CSMD3: variants seen among roughly 807,000 people sequenced by gnomAD.
CSMD3 encodes CUB and Sushi multiple domains 3.
In CSMD3, 177 loss-of-function variants were observed where a neutral mutation model predicts 435.2. That is an observed-to-expected ratio of 0.41 (90% CI 0.36 to 0.46). The LOEUF (loss-of-function observed/expected upper bound fraction) is 0.46, where lower values mean the gene tolerates loss of function less well. CSMD3 is among the 20% of genes least tolerant of loss of function. The pLI is 0.34. For synonymous variants in CSMD3, 1,656 were observed against 1,520.5 expected (o/e 1.09, Z -2.07); for missense variants, 4,265 against 4,504.6 (o/e 0.95, Z 1.52).
chr8:113,375,419 T>C (rs1296944534), intron 1 of CSMD3, among the ~76,000 whole-genome samples: 2 of 152,046 alleles, frequency 1.3e-5, no homozygotes, highest in East Asian at 3.8e-4. Context: ...AATTTAGAAG[T>C]TATTTCTCCC....
At chr8:112,351,370 T>C in intron 39 of CSMD3, 126 bp from the exon 40 acceptor site, 1 of 640,568 alleles carries the variant, frequency 1.6e-6, no homozygotes, top group South Asian at 1.9e-5. Context: ...ACATATTTAC[T>C]TATATGAAAA....
intron 38 of CSMD3, among the ~76,000 whole-genome samples, chr8:112,358,353 G>A (rs370548677): frequency 2.6e-5 from 4 of 152,270 alleles, no homozygotes; most frequent in African/African-American, 7.2e-5. Context: ...CTGAGTTAAT[G>A]CTGAAATTAG....
At chr8:113,141,533 T>A (rs925125751) in intron 4 of CSMD3, among the ~76,000 whole-genome samples, 1 of 150,992 alleles carries the variant, frequency 6.6e-6, no homozygotes, top group African/African-American at 2.4e-5. Flanking sequence ...AATATTTGAA[T>A]GTCAATCATT....
At chr8:112,615,851 T>A (rs902544063) in intron 22 of CSMD3, among the ~76,000 whole-genome samples, 2 of 152,102 alleles carry the variant, frequency 1.3e-5, no homozygotes, top group African/African-American at 4.8e-5. Context: ...AAGGAAATAT[T>A]GATGTAAAAT....
intron 12 of CSMD3, among the ~76,000 whole-genome samples, chr8:112,826,706 G>A (rs1377353379): frequency 1.3e-5 from 2 of 152,110 alleles, no homozygotes; most frequent in Non-Finnish European, 2.9e-5. Context: ...TGCAGGATTT[G>A]CATACTGTTG....
chr8:112,417,347 C>G (rs186032772), intron 32 of CSMD3, among the ~76,000 whole-genome samples: 1 of 152,020 alleles, frequency 6.6e-6, no homozygotes, highest in Non-Finnish European at 1.5e-5. Context: ...AATAAAAGTA[C>G]CTGACCTCCT....
Position 112,645,110 on chromosome 8 carries a change from T to G in CSMD3, c.3309A>C (p.Lys1103Asn). Residue 1103 changes from lysine (K) to asparagine (N), a missense_variant and splice_region_variant, in exon 20 of 71, where the codon AAA (lysine) becomes AAC (asparagine). Around this residue, in one of 3 missense-constraint regions of CSMD3, gnomAD observed 3,255 missense variants for 3,380.2 expected, o/e 0.96. Transcript: ENST00000297405. ...TTATTATTTCATGAGGCAAATTACC[T>G]TTTCCATGGGTTACATCAACAGTCC... The part of the protein sequence containing the change: ...CTWTVDVTHG[K>N]GVQFNFHTFH... 6.8e-7 allele frequency: 1 copy of G among 1,465,576 alleles called. No homozygotes were observed. The highest frequency in any genetic ancestry group is 1.1e-5 in the South Asian group (1 of 88,188). The allele number at this position is 1,465,576 out of a possible 1,614,324, so 90.8% of individuals were successfully genotyped here.
intron 6 of CSMD3, among the ~76,000 whole-genome samples, chr8:112,976,733 C>G (rs1403695756): frequency 6.6e-6 from 1 of 151,912 alleles, no homozygotes; most frequent in African/African-American, 2.4e-5. Context: ...AGCTAAGTAC[C>G]TTAGAATTTA....
At chr8:112,809,404 G>T (rs2079168046) in intron 12 of CSMD3, among the ~76,000 whole-genome samples, 1 of 152,140 alleles carries the variant, frequency 6.6e-6, no homozygotes, top group Admixed American at 6.5e-5. Context: ...CAGCACCTCA[G>T]AAGAATTTGA....
At chr8:112,353,455 T>G (rs1023476457) in intron 38 of CSMD3, among the ~76,000 whole-genome samples, 9 of 152,174 alleles carry the variant, frequency 5.9e-5, no homozygotes, top group Non-Finnish European at 2.9e-5. Flanking sequence ...TATGTGCTAC[T>G]TGAATTCAGT....
At chr8:112,350,966 A>C (rs1281935532) in intron 40 of CSMD3, among the ~76,000 whole-genome samples, 2 of 152,052 alleles carry the variant, frequency 1.3e-5, no homozygotes, top group African/African-American at 2.4e-5. Context: ...ATAAATAAAA[A>C]TAAAAATTTT....
At chr8:112,638,560 A>T in intron 21 of CSMD3, 136 bp downstream of exon 21, 1 of 656,990 alleles carries the variant, frequency 1.5e-6, no homozygotes, top group Non-Finnish European at 2.7e-6. Context: ...GACACATACT[A>T]CTTTGCTTTC....
At chr8:112,323,165 A>C (rs1216901209) in intron 45 of CSMD3, among the ~76,000 whole-genome samples, 4 of 151,942 alleles carry the variant, frequency 2.6e-5, no homozygotes, top group Non-Finnish European at 4.4e-5. Context: ...ACAAACAAAC[A>C]AACAAACAAA....
intron 25 of CSMD3, among the ~76,000 whole-genome samples, chr8:112,554,715 T>G (rs995275932): frequency 2.3e-4 from 35 of 152,050 alleles, no homozygotes; most frequent in African/African-American, 7.9e-4. Context: ...TATATAAAAC[T>G]TATGTTTGCA....
chr8:112,568,526 CA>C (rs1430227370), intron 24 of CSMD3, among the ~76,000 whole-genome samples: 1 of 140,762 alleles, frequency 7.1e-6, no homozygotes, highest in East Asian at 2.1e-4. Context: ...ACCCAGAAGA[CA>C]GAGATTCCAG....
At chr8:113,304,788 T>C (rs2093804440) in intron 2 of CSMD3, among the ~76,000 whole-genome samples, 1 of 118,814 alleles carries the variant, frequency 8.4e-6, no homozygotes, top group African/African-American at 3.1e-5. Context: ...GGGGGAGGGA[T>C]AGCATTGGGA....
chr8:112,776,320 GTTT>G (rs532087416), intron 13 of CSMD3, among the ~76,000 whole-genome samples: 1 of 151,584 alleles, frequency 6.6e-6, no homozygotes, highest in African/African-American at 2.4e-5. Flanking sequence ...ATATTTCTCA[GTTT>G]TTTTATTATC....
In CSMD3 at chr8:113,066,041, T is replaced by C. The variant is rs536971385; in HGVS notation, c.917+32715A>G. Among the ~76,000 whole-genome samples, 179 of 144,226 alleles carry C rather than the reference T, an allele frequency of 1.2e-3. 1 individual carries two copies. The highest frequency in any genetic ancestry group is 4.5e-3 in the African/African-American group (170 of 37,760). The allele number at this position is 144,226 out of a possible 152,430, so 94.6% of individuals were successfully genotyped here. On this transcript the variant is annotated intron_variant, in intron 5 of 70. Coordinates refer to ENST00000297405, the MANE Select transcript of CSMD3 (RefSeq NM_198123.2). ...AAATGGCAATGCATGCTCTGCTCAA[T>C]TTTTTTTTTTCTGAGAGGTGTGCAC...
At chr8:113,276,949 T>C (rs2093575797) in intron 3 of CSMD3, among the ~76,000 whole-genome samples, 1 of 151,984 alleles carries the variant, frequency 6.6e-6, no homozygotes, top group South Asian at 2.1e-4. Flanking sequence ...TAGAAACAAT[T>C]GGGAGCTATG....
Sources: allele counts gnomAD v4.1 joint callset (sites outside exome capture counted in the v4.1 genomes callset), GRCh38; gene constraint gnomAD v4.1.1; regional missense constraint gnomAD v4.1.1; transcripts MANE v1.5; gene names NCBI Gene and HGNC (gene_info 2026-07-23, HGNC 2026-07-21).